SMPD3: variants seen among roughly 807,000 people sequenced by gnomAD.
SMPD3 encodes the protein sphingomyelin phosphodiesterase 3, also known as nSMase-2.
Under a neutral mutation model 55.7 loss-of-function variants are expected in SMPD3, and 21 were observed. The observed-to-expected ratio is 0.38, with a 90% confidence interval of 0.27 to 0.54. The LOEUF (loss-of-function observed/expected upper bound fraction) is 0.54, where lower values mean the gene tolerates loss of function less well. Among genes scored for constraint, SMPD3 ranks in the 20% least tolerant of loss-of-function variants. The pLI is 0.80. For missense variants in SMPD3, 842 were observed against 899.6 expected, an observed-to-expected ratio of 0.94 and a Z score of 0.82; for synonymous variants, 457 against 404.3, an observed-to-expected ratio of 1.13 and a Z score of -1.56.
At chr16:68,389,882 T>C (rs1028402479) in intron 1 of SMPD3, among the ~76,000 whole-genome samples, 2 of 152,232 alleles carry the variant, frequency 1.3e-5, no homozygotes, top group Non-Finnish European at 2.9e-5. Context: ...TCTGGGACCT[T>C]GCACAGGAAA....
intron 1 of SMPD3, among the ~76,000 whole-genome samples, chr16:68,433,740 T>C (rs2166769): frequency 0.75 from 114,414 of 152,172 alleles, 43,493 homozygotes; most frequent in East Asian, 0.88. Flanking sequence ...CTGTGTGGGG[T>C]CTGCTGGGAT....
In SMPD3 at chr16:68,371,872, C is replaced by G; in HGVS notation, c.310G>C (p.Gly104Arg). The G allele has an allele frequency of 1.9e-6, 3 of 1,608,220 alleles. No individual in the cohort carries two copies. Among genetic ancestry groups the G allele is most frequent in the Non-Finnish European group, 2.5e-6 (3 of 1,178,466 alleles). Residue 104 changes from glycine to arginine, a missense_variant, in exon 3 of 9, where the codon GGC (glycine) becomes CGC (arginine). Around this residue, in one of 2 missense-constraint regions of SMPD3, gnomAD observed 193 missense variants for 256.0 expected, o/e 0.75. Coordinates refer to ENST00000219334, the MANE Select transcript of SMPD3 (RefSeq NM_018667.4). The part of the protein sequence containing the change: ...PYIYSRLEDK[G>R]LAGGAALLSE... ...AGCAGGGCTGCCCCACCGGCCAGGCCCTTGTCTTCCAGCCGTGAATAGATG... is the reference window on the plus strand; with the variant it reads ...AGCAGGGCTGCCCCACCGGCCAGGCGCTTGTCTTCCAGCCGTGAATAGATG...
intron 1 of SMPD3, among the ~76,000 whole-genome samples, chr16:68,426,578 G>A (rs1320526633): frequency 6.6e-6 from 1 of 152,176 alleles, no homozygotes; most frequent in Admixed American, 6.5e-5. Flanking sequence ...ACATGCTTCT[G>A]AAAACTGTGA....
intron 1 of SMPD3, among the ~76,000 whole-genome samples, chr16:68,441,831 T>A (rs2090568647): frequency 6.6e-6 from 1 of 152,206 alleles, no homozygotes; most frequent in Admixed American, 6.5e-5. Flanking sequence ...GGTGGTACAA[T>A]CATAGCTCAT....
At chr16:68,388,043 C>A (rs1428538428) in intron 1 of SMPD3, among the ~76,000 whole-genome samples, 1 of 152,184 alleles carries the variant, frequency 6.6e-6, no homozygotes, top group Non-Finnish European at 1.5e-5. Flanking sequence ...CAGAGGCTCC[C>A]TCCTCTGTAA....
intron 1 of SMPD3, among the ~76,000 whole-genome samples, chr16:68,398,359 T>C (rs1335772745): frequency 6.6e-6 from 1 of 152,168 alleles, no homozygotes; most frequent in Non-Finnish European, 1.5e-5. Flanking sequence ...AGGAGGGCCC[T>C]ACGTGGCAGT....
chr16:68,368,892 A>C (rs537182984), intron 3 of SMPD3: 22 of 152,254 alleles, frequency 1.4e-4, no homozygotes, highest in African/African-American at 5.3e-4. Context: ...GAACCTGCAA[A>C]CCGGGTTTTC....
rs74507970 is a variant in SMPD3 at position 68,440,962 on chromosome 16, C to A, written c.-269+7391G>T. On this transcript the variant is annotated intron_variant, in intron 1 of 8. Coordinates refer to ENST00000219334, the MANE Select transcript of SMPD3 (RefSeq NM_018667.4). ...TATGCTTATGTAAATGGATTGAAAT[C>A]TTTCCTCGACATCATTATCTGCCAG... Among the ~76,000 whole-genome samples, 1,426 of 152,328 alleles carry A rather than the reference C, an allele frequency of 9.4e-3. 13 individuals are homozygous for A. Among genetic ancestry groups the A allele is most frequent in the Middle Eastern group, 0.031 (9 of 294 alleles).
Position 68,404,858 on chromosome 16 carries a change from C to T in SMPD3, c.-268-18199G>A, listed in dbSNP as rs963260145. Among the ~76,000 whole-genome samples, 4 of 152,200 alleles carry T rather than the reference C, an allele frequency of 2.6e-5. No individual in the cohort carries two copies. Among genetic ancestry groups the T allele is most frequent in the African/African-American group, 9.6e-5 (4 of 41,462 alleles). ...TTGGAACACTGTGTGGGAGACTTGT[C>T]CTTGGCAGCAGTAGAAATGGGGCGG... On this transcript the variant is annotated intron_variant, in intron 1 of 8. Transcript: ENST00000219334. This position sits in a 1 kb window ranked among gnomAD's most constrained non-coding sequence, Gnocchi z 4.0.
At chr16:68,387,966 G>A (rs988596420) in intron 1 of SMPD3, among the ~76,000 whole-genome samples, 1 of 152,180 alleles carries the variant, frequency 6.6e-6, no homozygotes, top group Non-Finnish European at 1.5e-5. Context: ...AAAAGGCTTG[G>A]GCTCTAATGA....
At chr16:68,377,578 T>C (rs2151992321) in intron 2 of SMPD3, among the ~76,000 whole-genome samples, 1 of 152,266 alleles carries the variant, frequency 6.6e-6, no homozygotes, top group South Asian at 2.1e-4. Context: ...CCCTAGACAC[T>C]GGCCTGAGGG....
intron 3 of SMPD3, 97 bp downstream of exon 3, chr16:68,370,760 GCC>G: frequency 1.4e-6 from 2 of 1,475,336 alleles, no homozygotes; most frequent in Non-Finnish European, 1.8e-6. Context: ...TCCCACTCCA[GCC>G]CCCATGACGA....
At chr16:68,381,877 G>A (rs1375249025) in intron 2 of SMPD3, among the ~76,000 whole-genome samples, 1 of 152,154 alleles carries the variant, frequency 6.6e-6, no homozygotes, top group African/African-American at 2.4e-5. Flanking sequence ...ATTACGGACA[G>A]CTTGCAGTTT....
At position 68,360,777 on chromosome 16, in the gene SMPD3, A is replaced by AGCGTGGC. The variant is rs773224773; in HGVS notation, c.*422_*428dup. 213 of 168,868 alleles carry AGCGTGGC rather than the reference A, an allele frequency of 1.3e-3. No homozygotes were observed. Among genetic ancestry groups the AGCGTGGC allele is most frequent in the Admixed American group, 2.3e-3 (39 of 17,296 alleles). The allele number at this position is 168,868 out of a possible 1,614,324, so 10.5% of individuals were successfully genotyped here. Reference sequence around the variant, plus strand: ...GCCCGAGCAAGGGGTCTGTGGCTACAGCGTGGCACGTGGCATGCGGGCAGC... The same window carrying AGCGTGGC: ...GCCCGAGCAAGGGGTCTGTGGCTACAGCGTGGCGCGTGGCACGTGGCATGCGGGCAGC... On this transcript the variant is annotated 3_prime_UTR_variant, in exon 9 of 9. Transcript: ENST00000219334.
chr16:68,397,973 A>G (rs1252671777), intron 1 of SMPD3, among the ~76,000 whole-genome samples: 2 of 147,388 alleles, frequency 1.4e-5, no homozygotes, highest in Non-Finnish European at 3.0e-5. Context: ...ACAGGGAGGA[A>G]TATGCCCCAA....
rs2089165630 is a variant in SMPD3, at chr16:68,360,186, C to G, written c.*1020G>C. 1 of 152,598 alleles carries G rather than the reference C, an allele frequency of 6.6e-6. No individual in the cohort carries two copies. The highest frequency in any genetic ancestry group is 1.5e-5 in the Non-Finnish European group (1 of 68,070). The allele number at this position is 152,598 out of a possible 1,614,324, so 9.5% of individuals were successfully genotyped here. A position where few individuals can be genotyped will look rare whatever the true frequency, so the allele number is the denominator to read the frequency against. On this transcript the variant is annotated 3_prime_UTR_variant, in exon 9 of 9. Transcript: ENST00000219334. ...CCGGCACGCAGGTGGGGCACGTCCCCAGGGAGGGATTGGTCCCGAACCAGA... is the reference window on the plus strand; with the variant it reads ...CCGGCACGCAGGTGGGGCACGTCCCGAGGGAGGGATTGGTCCCGAACCAGA...
At chr16:68,384,677 C>T (rs943736415) in intron 2 of SMPD3, among the ~76,000 whole-genome samples, 4 of 152,154 alleles carry the variant, frequency 2.6e-5, no homozygotes, top group African/African-American at 9.7e-5. Context: ...TCCCAACTTC[C>T]AGTCCCAGGG....
chr16:68,406,459 G>T (rs796521484), intron 1 of SMPD3, among the ~76,000 whole-genome samples: 8 of 152,312 alleles, frequency 5.3e-5, no homozygotes, highest in African/African-American at 1.9e-4. Flanking sequence ...GATGGCTGGG[G>T]CTAGTGGTGG....
At chr16:68,369,498 T>C (rs1359663124) in intron 3 of SMPD3, 1 of 142,702 alleles carries the variant, frequency 7.0e-6, no homozygotes, top group African/African-American at 2.6e-5. Flanking sequence ...TGTAGTAGGG[T>C]GGGAGTGAGG....
Sources: allele counts gnomAD v4.1 joint callset (sites outside exome capture counted in the v4.1 genomes callset), GRCh38; gene constraint gnomAD v4.1.1; regional missense constraint gnomAD v4.1.1; non-coding constraint Gnocchi (gnomAD v3.1); transcripts MANE v1.5; gene names NCBI Gene and HGNC (gene_info 2026-07-23, HGNC 2026-07-21).